The following RSU1 variants were observed in gnomAD, a reference collection of about 807,000 sequenced individuals.
RSU1 encodes the protein Ras suppressor protein 1, also known as rsu-1.
In RSU1, 26 loss-of-function variants were observed where a neutral mutation model predicts 31.1. That is an observed-to-expected ratio of 0.84 (90% CI 0.61 to 1.16). The LOEUF (loss-of-function observed/expected upper bound fraction) is 1.16, where lower values mean the gene tolerates loss of function less well. Among genes scored for constraint, RSU1 ranks in the 50% most tolerant of loss-of-function variants. The probability of loss-of-function intolerance (pLI) is 0.00; values close to 1 mark genes in which losing one functional copy is unlikely to be tolerated. For synonymous variants in RSU1, 164 were observed against 136.3 expected (o/e 1.20, Z -1.41); for missense variants, 320 against 339.1 (o/e 0.94, Z 0.44).
At chr10:16,811,947 C>T (rs1838418418) in intron 2 of RSU1, among the ~76,000 whole-genome samples, 2 of 152,140 alleles carry the variant, frequency 1.3e-5, no homozygotes, top group Non-Finnish European at 2.9e-5. Context: ...TGAGTATTCT[C>T]GAGGGGCCTC....
At chr10:16,595,955 G>A (rs1381494408) in intron 8 of RSU1, among the ~76,000 whole-genome samples, 3 of 151,920 alleles carry the variant, frequency 2.0e-5, no homozygotes, top group African/African-American at 7.3e-5. Context: ...GCAACAGAGT[G>A]AGACTCTGTC....
chr10:16,792,770 T>C (rs934695672), intron 2 of RSU1, among the ~76,000 whole-genome samples: 7 of 152,200 alleles, frequency 4.6e-5, no homozygotes, highest in Non-Finnish European at 1.0e-4. Context: ...GATCTTAACA[T>C]ACAGCACGGT....
At chr10:16,695,835 G>T (rs1389736862) in intron 7 of RSU1, among the ~76,000 whole-genome samples, 2 of 152,166 alleles carry the variant, frequency 1.3e-5, no homozygotes, top group Non-Finnish European at 2.9e-5. Flanking sequence ...AAGCCAGCAT[G>T]AAGATTTCAA....
rs1239712334 is a variant in RSU1, at chr10:16,817,046, G to A, written c.36C>T (p.Ser12=). Residue 12 remains serine, a synonymous_variant, in exon 2 of 9, where the codon AGC becomes AGT. Coordinates refer to ENST00000345264, the MANE Select transcript of RSU1 (RefSeq NM_012425.4). ...CCACCTCGGGCTGGTTCTTCTCCCG[G>A]CTCTCCTCCACCAACTTCTTCAGAG... ...SKSLKKLVEE[S]REKNQPEVDM... 6.2e-7 allele frequency: 1 copy of A among 1,614,102 alleles called. No individual in the cohort carries two copies. Among genetic ancestry groups the A allele is most frequent in the East Asian group, 2.2e-5 (1 of 44,884 alleles).
intron 8 of RSU1, among the ~76,000 whole-genome samples, chr10:16,620,662 G>A (rs954401992): frequency 6.6e-5 from 10 of 151,936 alleles, no homozygotes; most frequent in East Asian, 1.9e-4. Context: ...TGGCTAACAC[G>A]GTGAAACCCC....
chr10:16,813,416 A>G (rs1838453095), intron 2 of RSU1, among the ~76,000 whole-genome samples: 1 of 152,104 alleles, frequency 6.6e-6, no homozygotes, highest in South Asian at 2.1e-4. Flanking sequence ...GGTTCAGGCT[A>G]CTGACTATGT....
At chr10:16,682,209 C>T (rs1251177409) in intron 8 of RSU1, among the ~76,000 whole-genome samples, 1 of 152,096 alleles carries the variant, frequency 6.6e-6, no homozygotes, top group Non-Finnish European at 1.5e-5. Flanking sequence ...AGGGCAAAAC[C>T]CTCAGAGGCG....
At chr10:16,755,957 C>T (rs1365134859) in intron 4 of RSU1, among the ~76,000 whole-genome samples, 4 of 152,212 alleles carry the variant, frequency 2.6e-5, no homozygotes, top group Non-Finnish European at 4.4e-5. Context: ...CACTGCTTTA[C>T]ACAAAAACTC....
At chr10:16,705,683 T>C (rs1182879974) in intron 7 of RSU1, among the ~76,000 whole-genome samples, 1 of 152,140 alleles carries the variant, frequency 6.6e-6, no homozygotes, top group Non-Finnish European at 1.5e-5. Context: ...AGAGATGGGG[T>C]TTCACCATGT....
At chr10:16,814,467 A>AAAAG (rs1838484405) in intron 2 of RSU1, among the ~76,000 whole-genome samples, 1 of 145,774 alleles carries the variant, frequency 6.9e-6, no homozygotes, top group Non-Finnish European at 1.5e-5. Flanking sequence ...AAAAAAAAAA[A>AAAAG]AGAAAAAAAA....
intron 2 of RSU1, among the ~76,000 whole-genome samples, chr10:16,793,642 T>G (rs1837971822): frequency 6.6e-6 from 1 of 152,196 alleles, no homozygotes; most frequent in South Asian, 2.1e-4. Flanking sequence ...CCACCTAAGA[T>G]ATGCAGTCAC....
At chr10:16,716,610 T>C (rs1836146177) in intron 7 of RSU1, among the ~76,000 whole-genome samples, 2 of 152,116 alleles carry the variant, frequency 1.3e-5, no homozygotes, top group African/African-American at 4.8e-5. Context: ...TCCAGGGGAC[T>C]GCCTCTTCAG....
intron 8 of RSU1, among the ~76,000 whole-genome samples, chr10:16,607,872 G>C (rs1833831276): frequency 6.6e-6 from 1 of 152,154 alleles, no homozygotes; most frequent in Non-Finnish European, 1.5e-5. Flanking sequence ...TAATTATCGT[G>C]AGTTTTTTTG....
chr10:16,742,673 C>A (rs1836776762), intron 7 of RSU1, among the ~76,000 whole-genome samples: 1 of 151,850 alleles, frequency 6.6e-6, no homozygotes, highest in Non-Finnish European at 1.5e-5. Context: ...GGGCAAAATA[C>A]ATTTAGCATC....
chr10:16,643,458 A>G (rs1165458262), intron 8 of RSU1, among the ~76,000 whole-genome samples: 1 of 152,196 alleles, frequency 6.6e-6, no homozygotes, highest in African/African-American at 2.4e-5. Context: ...TAAAATATAT[A>G]AATTATATAT....
At chr10:16,711,033 G>T (rs1307081390) in intron 7 of RSU1, among the ~76,000 whole-genome samples, 2 of 152,102 alleles carry the variant, frequency 1.3e-5, no homozygotes, top group Non-Finnish European at 2.9e-5. Flanking sequence ...TCCACATGGT[G>T]TATATGTGCC....
At chr10:16,599,040 T>C (rs940610702) in intron 8 of RSU1, among the ~76,000 whole-genome samples, 1 of 152,198 alleles carries the variant, frequency 6.6e-6, no homozygotes, top group African/African-American at 2.4e-5. Flanking sequence ...ACTGTCCCCT[T>C]GCTACTACGA....
rs1376666199 is a variant in RSU1 at position 16,783,920 on chromosome 10, TA to T, written c.110-1837del. On this transcript the variant is annotated intron_variant, in intron 2 of 8. Transcript: ENST00000345264. ...AGTTTCTCCAAATGTCCCAATCATT[TA>T]TTTTAGGGAAGAAATAGGATCTGGT... Among the ~76,000 whole-genome samples, 3 of 152,184 alleles carry T rather than the reference TA, an allele frequency of 2.0e-5. No homozygotes were observed. In the East Asian group the frequency reaches 5.8e-4, roughly 29 times the overall value.
chr10:16,735,028 A>G (rs1037469903), intron 7 of RSU1, among the ~76,000 whole-genome samples: 2 of 152,208 alleles, frequency 1.3e-5, no homozygotes, highest in Non-Finnish European at 1.5e-5. Context: ...AACCCTCAGA[A>G]GAAACCAATT....
Sources: gnomAD v4.1 joint callset for allele counts (sites outside exome capture counted in the v4.1 genomes callset) on GRCh38, gnomAD v4.1.1 for gene constraint, MANE v1.5 for transcripts, NCBI Gene and HGNC (gene_info 2026-07-23, HGNC 2026-07-21) for gene names.